The following TTC12 variants were observed in gnomAD, a reference collection of about 807,000 sequenced individuals.
TTC12 encodes the protein tetratricopeptide repeat protein 12.
TTC12 carries 70 observed loss-of-function variants against 90.1 expected under a neutral mutation model. The ratio of observed to expected loss-of-function variants is 0.78; its 90% CI spans 0.64 to 0.95. The LOEUF is 0.95. Among genes scored for constraint, TTC12 ranks in the 40% least tolerant of loss-of-function variants. The pLI, the probability that TTC12 is intolerant of heterozygous loss-of-function variation, is 0.00. For synonymous variants in TTC12, 296 were observed against 311.5 expected, an observed-to-expected ratio of 0.95 and a Z score of 0.53; for missense variants, 819 against 846.1, an observed-to-expected ratio of 0.97 and a Z score of 0.40.
chr11:113,335,583 C>G (rs1948322301), intron 8 of TTC12, among the ~76,000 whole-genome samples: 1 of 152,118 alleles, frequency 6.6e-6, no homozygotes, highest in Non-Finnish European at 1.5e-5. Context: ...TAGTCAGTCC[C>G]CTTCCCCCAA....
chr11:113,364,878 T>A lies in TTC12; in HGVS notation c.1860T>A (p.Val620=). ...AGCTGCTCAGCTCGGAGGATGAGGT[T>A]CTGGTGGGCAACGCTGCCCTCTGCC... is the stretch of plus-strand genomic sequence containing the variant. ...MMKLLSSEDE[V]LVGNAALCLG... Residue 620 remains valine (V), a synonymous_variant, in exon 21 of 22, where the codon GTT becomes GTA. Coordinates refer to ENST00000529221, the MANE Select transcript of TTC12 (RefSeq NM_017868.4). The A allele has an allele frequency of 6.2e-7, 1 of 1,614,204 alleles. No individual in the cohort carries two copies. Among genetic ancestry groups the A allele is most frequent in the South Asian group, 1.1e-5 (1 of 91,082 alleles).
chr11:113,367,321 C>G (rs149546642), downstream of TTC12, among the ~76,000 whole-genome samples: 1 of 152,216 alleles, frequency 6.6e-6, no homozygotes, highest in Non-Finnish European at 1.5e-5. Flanking sequence ...TGCTTAACCT[C>G]TCTGAGCTTT....
At chr11:113,342,060 C>T (rs1423832162) in intron 12 of TTC12, 135 bp downstream of exon 12, 3 of 735,842 alleles carry the variant, frequency 4.1e-6, no homozygotes, top group Non-Finnish European at 4.7e-6. Flanking sequence ...CCACTCCCTC[C>T]AGGAAAGCTT....
At chr11:113,370,735 C>CA (rs989380761), downstream of TTC12, among the ~76,000 whole-genome samples, 9 of 152,340 alleles carry the variant, frequency 5.9e-5, 1 homozygote, top group African/African-American at 1.7e-4. Context: ...CCAGCCACCC[C>CA]AGCCTCAGAT....
chr11:113,350,910 C>T (rs955116373), intron 14 of TTC12, among the ~76,000 whole-genome samples: 72 of 152,168 alleles, frequency 4.7e-4, no homozygotes, highest in African/African-American at 1.5e-3. Flanking sequence ...ATTTGCCTTC[C>T]GCACCGCACA....
Position 113,323,272 on chromosome 11 carries a change from C to T in TTC12, c.59-16C>T. The T allele has an allele frequency of 1.3e-6, 2 of 1,576,140 alleles. No individual in the cohort carries two copies. Among genetic ancestry groups the T allele is most frequent in the Non-Finnish European group, 1.7e-6 (2 of 1,163,928 alleles). The stretch of plus-strand genomic sequence containing the variant: ...AATATCTTGTTTGATTAAGTCACAC[C>T]TGATTTCTTCTCTAGCCAATTTAAT... On this transcript the variant is annotated splice_polypyrimidine_tract_variant and intron_variant, in intron 2 of 21. Transcript: ENST00000529221.
In TTC12 at chr11:113,331,403, C is replaced by T. The variant is rs149336948; in HGVS notation, c.504+1424C>T. The stretch of plus-strand genomic sequence containing the variant: ...TCATTTGCTGCATGCTCACGAAATT[C>T]TATTCTGTTCTGTTCAGTGTCACTA... On this transcript the variant is annotated intron_variant, in intron 7 of 21. Coordinates refer to ENST00000529221, the MANE Select transcript of TTC12 (RefSeq NM_017868.4). 3.9e-3 allele frequency among the ~76,000 whole-genome samples: 593 copies of T among 152,264 alleles called. 3 individuals carry two copies. Among genetic ancestry groups the T allele is most frequent in the Middle Eastern group, 0.017 (5 of 294 alleles).
chr11:113,370,173 G>C (rs1950344103), downstream of TTC12, among the ~76,000 whole-genome samples: 1 of 152,244 alleles, frequency 6.6e-6, no homozygotes, highest in African/African-American at 2.4e-5. Flanking sequence ...ACAGGACCCA[G>C]TGTGAAGTGG....
chr11:113,335,060 T>C, intron 8 of TTC12, 23 bp downstream of exon 8: 1 of 1,563,714 alleles, frequency 6.4e-7, no homozygotes, highest in South Asian at 1.1e-5. Context: ...AGGAATGTAA[T>C]TGACATGTTT....
At chr11:113,315,694 C>T (rs1946892510) in intron 1 of TTC12, among the ~76,000 whole-genome samples, 1 of 152,186 alleles carries the variant, frequency 6.6e-6, no homozygotes, top group Non-Finnish European at 1.5e-5. Context: ...GCAGAAGAGA[C>T]GCTGGTGAGC....
chr11:113,352,709 T>C (rs1555150846), intron 16 of TTC12, among the ~76,000 whole-genome samples: 1 of 152,200 alleles, frequency 6.6e-6, no homozygotes, highest in African/African-American at 2.4e-5. Context: ...TGGCACTTAG[T>C]GTTCTGTTCC....
downstream of TTC12, among the ~76,000 whole-genome samples, chr11:113,370,582 G>C (rs1282065737): frequency 6.6e-6 from 1 of 152,258 alleles, no homozygotes; most frequent in Non-Finnish European, 1.5e-5. Flanking sequence ...GTTCTCCCTG[G>C]AGACATTCTG....
chr11:113,335,114 A>G, intron 8 of TTC12, 77 bp downstream of exon 8: 15 of 1,055,888 alleles, frequency 1.4e-5, no homozygotes, highest in Non-Finnish European at 1.9e-5. Flanking sequence ...GAGAACCATG[A>G]TTCTCCAAGC....
chr11:113,371,738 TTG>T (rs1950391559), intron 21 of TTC12, among the ~76,000 whole-genome samples: 1 of 152,218 alleles, frequency 6.6e-6, no homozygotes, highest in Non-Finnish European at 1.5e-5. Context: ...CTCCTCCACC[TTG>T]CTTTAAATTT....
chr11:113,360,381 A>G (rs535900792), intron 18 of TTC12, among the ~76,000 whole-genome samples: 6 of 151,910 alleles, frequency 3.9e-5, no homozygotes, highest in African/African-American at 1.4e-4. Context: ...CAAGTGTCCA[A>G]CTTATTTAGA....
At chr11:113,329,375 A>G (rs1947886495) in intron 6 of TTC12, among the ~76,000 whole-genome samples, 2 of 151,908 alleles carry the variant, frequency 1.3e-5, no homozygotes, top group South Asian at 4.1e-4. Flanking sequence ...TGAGCTGGGT[A>G]TTTTCTCTGT....
chr11:113,370,560 AATG>A (rs1950354838), downstream of TTC12, among the ~76,000 whole-genome samples: 6 of 152,336 alleles, frequency 3.9e-5, no homozygotes, highest in South Asian at 1.0e-3. Context: ...AAAAAGGCAA[AATG>A]ATGAAGGAGT....
At chr11:113,316,103 A>G (rs1382614565) in intron 1 of TTC12, 140 bp from the exon 2 acceptor site, 1 of 413,958 alleles carries the variant, frequency 2.4e-6, no homozygotes, top group African/African-American at 2.1e-5. Context: ...GAAAGGGATC[A>G]CCCTGCTGTT....
At chr11:113,336,108 A>G (rs1212875826) in intron 8 of TTC12, among the ~76,000 whole-genome samples, 3 of 152,000 alleles carry the variant, frequency 2.0e-5, no homozygotes, top group Non-Finnish European at 4.4e-5. Flanking sequence ...TATTATAGCT[A>G]TTCTAGTGGG....
Sources: allele counts gnomAD v4.1 joint callset (sites outside exome capture counted in the v4.1 genomes callset), GRCh38; gene constraint gnomAD v4.1.1; transcripts MANE v1.5; gene names NCBI Gene and HGNC (gene_info 2026-07-23, HGNC 2026-07-21).